Variants in FAM222B observed in about 807,000 individuals in gnomAD.
FAM222B encodes the protein protein FAM222B.
Under a neutral mutation model 38.0 loss-of-function variants are expected in FAM222B, and 12 were observed. The observed-to-expected ratio is 0.32, with a 90% CI of 0.20 to 0.51. FAM222B has a LOEUF of 0.51. Ranked by LOEUF, FAM222B falls within the 20% of genes least tolerant of loss-of-function variation. The probability of loss-of-function intolerance (pLI) is 0.97; values close to 1 mark genes in which losing one functional copy is unlikely to be tolerated. For missense variants in FAM222B, 716 were observed against 754.2 expected, an observed-to-expected ratio of 0.95 and a Z score of 0.59; for synonymous variants, 329 against 317.2, an observed-to-expected ratio of 1.04 and a Z score of -0.40.
intron 1 of FAM222B, among the ~76,000 whole-genome samples, chr17:28,811,727 T>A (rs941412105): frequency 2.0e-5 from 3 of 152,174 alleles, no homozygotes; most frequent in African/African-American, 7.2e-5. Context: ...CTAACAACTA[T>A]CAGGATTTCC....
At chr17:28,810,370 ACT>A (rs1291270826) in intron 1 of FAM222B, among the ~76,000 whole-genome samples, 13 of 150,988 alleles carry the variant, frequency 8.6e-5, no homozygotes, top group African/African-American at 2.9e-4. Context: ...ATACTAGCTA[ACT>A]CTGTTTTATA....
At chr17:28,767,871 C>G (rs2151789012) in intron 1 of FAM222B, among the ~76,000 whole-genome samples, 1 of 152,306 alleles carries the variant, frequency 6.6e-6, no homozygotes, top group African/African-American at 2.4e-5. Context: ...GGGCTTCACC[C>G]TTCCTGACAT....
intron 1 of FAM222B, among the ~76,000 whole-genome samples, chr17:28,852,139 G>A (rs779567022): frequency 2.0e-5 from 3 of 151,964 alleles, no homozygotes; most frequent in Non-Finnish European, 2.9e-5. Context: ...AGGCCAAGGC[G>A]GGTGGATCAC....
At position 28,757,697 on chromosome 17, in the gene FAM222B, G is replaced by A. The variant is rs1214752376; in HGVS notation, c.*573C>T. 1.3e-5 allele frequency: 2 copies of A among 152,172 alleles called. No homozygotes were observed. Among genetic ancestry groups the A allele is most frequent in the Non-Finnish European group, 2.9e-5 (2 of 68,078 alleles). 9.4% of individuals were successfully genotyped at this position (152,172 alleles called of 1,614,324 possible). Reference sequence around the variant, plus strand: ...TGGCAAGGGCAAGTGCAGTGGCTGTGGGATCAATATAGACACAAAACAAAG... The same window carrying A: ...TGGCAAGGGCAAGTGCAGTGGCTGTAGGATCAATATAGACACAAAACAAAG... On this transcript the variant is annotated 3_prime_UTR_variant, in exon 3 of 3. Transcript: ENST00000581407.
At chr17:28,767,915 C>T (rs955864462) in intron 1 of FAM222B, among the ~76,000 whole-genome samples, 1 of 152,182 alleles carries the variant, frequency 6.6e-6, no homozygotes, top group Admixed American at 6.5e-5. Flanking sequence ...TCTCCCACCC[C>T]CTCAAAAGAA....
intron 1 of FAM222B, among the ~76,000 whole-genome samples, chr17:28,802,111 AAG>A (rs35397064): frequency 0.19 from 28,505 of 148,878 alleles, 2,817 homozygotes; most frequent in South Asian, 0.3. Flanking sequence ...TTTTCTGAGA[AAG>A]AGTCTTACTC....
chr17:28,816,320 A>G (rs903052517), intron 1 of FAM222B, among the ~76,000 whole-genome samples: 2 of 152,156 alleles, frequency 1.3e-5, no homozygotes, highest in African/African-American at 4.8e-5. Context: ...CATTTTTACT[A>G]TGTTAACTTA....
chr17:28,846,053 A>T (rs1038187423), upstream of FAM222B, among the ~76,000 whole-genome samples: 4 of 151,168 alleles, frequency 2.6e-5, 1 homozygote, highest in South Asian at 4.2e-4. Flanking sequence ...AATACAAAAA[A>T]TTAGCTGGGC....
chr17:28,758,757 G>T lies in FAM222B; in HGVS notation c.1202C>A (p.Pro401His). ...GGCAGGGGCCTTGCCCACAAAGCCA[G>T]GCCCTGCCAACTCGCGTCCTGCCGC... ...KHAAGRELAG[P>H]GFVGKAPAYP... Residue 401 changes from proline (P) to histidine (H), a missense_variant, in exon 3 of 3, where the codon CCT becomes CAT. Physicochemically the swap from Pro to His is moderately conservative, Grantham distance 77. Transcript: ENST00000581407. The T allele has an allele frequency of 6.3e-7, 1 of 1,575,256 alleles. No individual in the cohort carries two copies. The highest frequency in any genetic ancestry group is 8.6e-7 in the Non-Finnish European group (1 of 1,158,750).
At chr17:28,784,782 C>G (rs2036327158) in intron 1 of FAM222B, among the ~76,000 whole-genome samples, 1 of 152,148 alleles carries the variant, frequency 6.6e-6, no homozygotes, top group East Asian at 1.9e-4. Flanking sequence ...GTGAGCTGCT[C>G]TGTCACCCAG....
rs770282126 is a variant in FAM222B at position 28,759,722 on chromosome 17, G to A, written c.237C>T (p.Asn79=). The A allele has an allele frequency of 9.9e-6, 16 of 1,613,618 alleles. No homozygotes were observed. Among genetic ancestry groups the A allele is most frequent in the Middle Eastern group, 1.6e-4 (1 of 6,084 alleles). ...PQRKHVRRTV[N]GLDTSAQRYS... ...AGCGCTGGGCTGATGTGTCGAGGCC[G>A]TTCACAGTACGACGAACGTGTTTCC... is the stretch of plus-strand genomic sequence containing the variant. The change falls in exon 3 of 3, where the codon AAC becomes AAT. Residue 79 remains asparagine (N), a synonymous_variant. Coordinates refer to ENST00000581407, the MANE Select transcript of FAM222B (RefSeq NM_001077498.3). The surrounding 1 kb of genome is among the most constrained non-coding windows in gnomAD (Gnocchi z 4.8).
chr17:28,793,742 ATT>A (rs1159375528), intron 1 of FAM222B, among the ~76,000 whole-genome samples: 18 of 132,696 alleles, frequency 1.4e-4, no homozygotes, highest in Non-Finnish European at 1.5e-4. Context: ...TACTCAACCA[ATT>A]TTTTTTTTTT....
intron 1 of FAM222B, among the ~76,000 whole-genome samples, chr17:28,782,700 G>A (rs1243704285): frequency 6.6e-6 from 1 of 152,150 alleles, no homozygotes; most frequent in African/African-American, 2.4e-5. Context: ...TACAGCATTT[G>A]TGGGGATAAA....
At chr17:28,842,806 T>G (rs931849247), upstream of FAM222B, 1 of 152,658 alleles carries the variant, frequency 6.6e-6, no homozygotes, top group African/African-American at 2.4e-5. Flanking sequence ...GAGCCGCTCC[T>G]GCGCCTGCGC....
At chr17:28,775,932 C>T (rs983318058) in intron 1 of FAM222B, among the ~76,000 whole-genome samples, 2 of 151,282 alleles carry the variant, frequency 1.3e-5, no homozygotes, top group South Asian at 2.1e-4. Context: ...CAAAAAGAGC[C>T]GGGCATGGTG....
At chr17:28,763,672 C>T (rs2035189950) in intron 2 of FAM222B, among the ~76,000 whole-genome samples, 1 of 152,232 alleles carries the variant, frequency 6.6e-6, no homozygotes. Context: ...AGTCACAGGA[C>T]TGTCATGTGG....
At chr17:28,854,874 C>A in intron 1 of FAM222B, 1 of 713,384 alleles carries the variant, frequency 1.4e-6, no homozygotes, top group Non-Finnish European at 2.2e-6. Flanking sequence ...TTTCCTTAGC[C>A]TCCACCAGTC....
At chr17:28,822,862 T>TATAC (rs1297900511) in intron 1 of FAM222B, among the ~76,000 whole-genome samples, 54 of 93,242 alleles carry the variant, frequency 5.8e-4, no homozygotes, top group Non-Finnish European at 8.8e-4. Flanking sequence ...TATATATATA[T>TATAC]ATACACACAT....
chr17:28,844,632 T>C (rs544789380), upstream of FAM222B, among the ~76,000 whole-genome samples: 106 of 152,180 alleles, frequency 7.0e-4, no homozygotes, highest in African/African-American at 2.4e-3. Flanking sequence ...CATTCCAGCC[T>C]GGGCGACAGA....
Sources: allele counts gnomAD v4.1 joint callset (sites outside exome capture counted in the v4.1 genomes callset), GRCh38; gene constraint gnomAD v4.1.1; non-coding constraint Gnocchi (gnomAD v3.1); transcripts MANE v1.5; gene names NCBI Gene and HGNC (gene_info 2026-07-23, HGNC 2026-07-21).